Variants in DEPDC7 observed in about 807,000 individuals in gnomAD.
DEPDC7 encodes the protein DEP domain-containing protein 7.
A neutral mutation model predicts 56.6 loss-of-function variants in DEPDC7; 41 were observed. That is an observed-to-expected ratio of 0.72 (90% confidence interval 0.56 to 0.94). The LOEUF (loss-of-function observed/expected upper bound fraction) is 0.94. Among genes scored for constraint, DEPDC7 ranks in the 40% least tolerant of loss-of-function variants. The probability of loss-of-function intolerance (pLI) is 0.00; values close to 1 mark genes in which losing one functional copy is unlikely to be tolerated. For synonymous variants in DEPDC7, 185 were observed against 208.8 expected, an observed-to-expected ratio of 0.89 and a Z score of 0.98; for missense variants, 522 against 596.3, an observed-to-expected ratio of 0.88 and a Z score of 1.30.
chr11:33,016,258 C>T (rs1307844835), intron 1 of DEPDC7: 2 of 1,355,774 alleles, frequency 1.5e-6, no homozygotes, highest in Non-Finnish European at 9.4e-7. Flanking sequence ...CCCGCACAGC[C>T]CAGCTTTTTT....
intron 1 of DEPDC7, chr11:33,016,652 T>G: frequency 6.5e-7 from 1 of 1,539,198 alleles, no homozygotes; most frequent in Non-Finnish European, 9.0e-7. Flanking sequence ...AAAAAAACAG[T>G]TACATGAAAT....
At chr11:33,025,394 C>T (rs1355063178) in intron 1 of DEPDC7, among the ~76,000 whole-genome samples, 5 of 152,126 alleles carry the variant, frequency 3.3e-5, no homozygotes, top group African/African-American at 1.2e-4. Context: ...TTGTCTTTAT[C>T]TTCCTACAAA....
At chr11:33,028,343 A>G (rs1190292749) in intron 3 of DEPDC7, 2 of 332,374 alleles carry the variant, frequency 6.0e-6, no homozygotes, top group East Asian at 1.0e-4. Flanking sequence ...ATGTTACATG[A>G]CTTGATCTCT....
intron 1 of DEPDC7, among the ~76,000 whole-genome samples, chr11:33,020,420 A>G (rs1185939602): frequency 2.0e-5 from 3 of 152,226 alleles, no homozygotes; most frequent in African/African-American, 7.2e-5. Flanking sequence ...TGAAAAATGA[A>G]GGTTAACTAG....
intron 2 of DEPDC7, among the ~76,000 whole-genome samples, chr11:33,026,919 C>T (rs185147132): frequency 6.6e-6 from 1 of 152,126 alleles, no homozygotes; most frequent in East Asian, 1.9e-4. Flanking sequence ...TAAGCCACTG[C>T]GCCTGGCCCA....
intron 1 of DEPDC7, among the ~76,000 whole-genome samples, chr11:33,021,412 T>G (rs1416489909): frequency 6.6e-6 from 1 of 152,132 alleles, no homozygotes; most frequent in Non-Finnish European, 1.5e-5. Context: ...AAACATTCAT[T>G]GTCTATTTTT....
chr11:33,030,114 C>CA (rs1015834741), intron 4 of DEPDC7, among the ~76,000 whole-genome samples: 15 of 152,306 alleles, frequency 9.8e-5, no homozygotes, highest in African/African-American at 3.1e-4. Context: ...CGCACGCCAC[C>CA]ATGCCTGGCT....
chr11:33,025,967 A>G lies in DEPDC7; in HGVS notation c.382A>G (p.Ser128Gly). 1 of 1,614,186 alleles carries G rather than the reference A, an allele frequency of 6.2e-7. No individual in the cohort carries two copies. ...KDKKPTFEDS[S>G]CSLYRFTTIP... ...CAAAAAACCTACATTTGAAGATAGT[A>G]GTTGCAGCCTTTATAGATTCACCAC... The change falls in exon 2 of 9, where the codon AGT becomes GGT. Residue 128 changes from serine (S) to glycine (G), a missense_variant. Coordinates refer to ENST00000241051, the MANE Select transcript of DEPDC7 (RefSeq NM_001077242.2).
chr11:33,016,260 A>G (rs1428186783), intron 1 of DEPDC7: 19 of 1,355,112 alleles, frequency 1.4e-5, no homozygotes, highest in East Asian at 2.8e-5. Context: ...CGCACAGCCC[A>G]GCTTTTTTCT....
At position 33,032,382 on chromosome 11, in the gene DEPDC7, A is replaced by G; in HGVS notation, c.1041A>G (p.Leu347=). The change falls in exon 6 of 9, where the codon CTA becomes CTG. Residue 347 remains leucine, a synonymous_variant. Coordinates refer to ENST00000241051, the MANE Select transcript of DEPDC7 (RefSeq NM_001077242.2). ...EIALEATQLL[L]KLLDFQNREE... ...CTTTAGAAGCTACCCAGCTCCTTCT[A>G]AAGCTTTTAGATTTCCAAAATAGAG... is the stretch of plus-strand genomic sequence containing the variant. 6.3e-7 allele frequency: 1 copy of G among 1,578,360 alleles called. No homozygotes were observed. The highest frequency in any genetic ancestry group is 8.5e-7 in the Non-Finnish European group (1 of 1,170,718).
At chr11:33,023,743 C>T (rs995834555) in intron 1 of DEPDC7, among the ~76,000 whole-genome samples, 10 of 152,158 alleles carry the variant, frequency 6.6e-5, no homozygotes, top group Admixed American at 5.9e-4. Flanking sequence ...CTTCGGCAGG[C>T]TGTAAAGGAG....
intron 4 of DEPDC7, among the ~76,000 whole-genome samples, chr11:33,030,378 C>T (rs560408224): frequency 2.8e-4 from 42 of 152,252 alleles, no homozygotes; most frequent in African/African-American, 9.6e-4. Context: ...GCCTGAGATA[C>T]CTCACCTGGC....
Sources: gnomAD v4.1 joint callset for allele counts (sites outside exome capture counted in the v4.1 genomes callset) on GRCh38, gnomAD v4.1.1 for gene constraint, MANE v1.5 for transcripts, NCBI Gene and HGNC (gene_info 2026-07-23, HGNC 2026-07-21) for gene names.